The following GLIPR2 variants were observed in gnomAD, a reference collection of about 807,000 sequenced individuals.
The protein encoded by GLIPR2 is Golgi-associated plant pathogenesis-related protein 1.
Under a neutral mutation model 20.4 loss-of-function variants are expected in GLIPR2, and 21 were observed. The observed-to-expected ratio is 1.03, with a 90% CI of 0.73 to 1.48. The LOEUF is 1.48. GLIPR2 is among the 40% of genes most tolerant of loss of function. The pLI is 0.00. For missense variants in GLIPR2, 205 were observed against 200.1 expected (o/e 1.02, Z -0.15); for synonymous variants, 91 against 80.5 (o/e 1.13, Z -0.70).
chr9:36,149,400 C>G (rs1825483353), intron 3 of GLIPR2, among the ~76,000 whole-genome samples: 1 of 152,242 alleles, frequency 6.6e-6, no homozygotes, highest in Admixed American at 6.5e-5. Context: ...TAAGCCAGGG[C>G]TCCTGTGCAA....
chr9:36,147,005 C>T lies in GLIPR2; in HGVS notation c.14-781C>T, dbSNP rs1825357597. Among the ~76,000 whole-genome samples the T allele has an allele frequency of 4.6e-5, 7 of 152,252 alleles. No individual in the cohort carries two copies. The South Asian group carries it at 1.5e-3, about 32-fold the overall frequency. On this transcript the variant is annotated intron_variant, in intron 1 of 4. Transcript: ENST00000377960. ...CTGCAGTAGGTTTCTGTGTGGGTCCCCAGGTTGTCTGATTAGATGGCACCC... is the reference window on the plus strand; with the variant it reads ...CTGCAGTAGGTTTCTGTGTGGGTCCTCAGGTTGTCTGATTAGATGGCACCC...
At chr9:36,150,329 G>A (rs958939485) in intron 3 of GLIPR2, among the ~76,000 whole-genome samples, 2 of 152,152 alleles carry the variant, frequency 1.3e-5, no homozygotes, top group Non-Finnish European at 2.9e-5. Context: ...CAGCTCCCAG[G>A]GAAACGCCTG....
rs10972761 is a variant in GLIPR2, at chr9:36,157,882, G to A, written c.305-4480G>A. Among the ~76,000 whole-genome samples the A allele has an allele frequency of 1.1e-4, 17 of 151,398 alleles. No homozygotes were observed. The East Asian group carries it at 2.3e-3, about 21-fold the overall frequency. On this transcript the variant is annotated intron_variant, in intron 4 of 4. Transcript: ENST00000377960. ...GGCTGGAGTGCAATGGCACAGTCTC[G>A]GCTCATTGCAACCTCTGCCTCCCAG...
chr9:36,139,579 C>G (rs1824982533), intron 1 of GLIPR2, among the ~76,000 whole-genome samples: 1 of 152,196 alleles, frequency 6.6e-6, no homozygotes, highest in African/African-American at 2.4e-5. Context: ...GCAGGTGGCA[C>G]TCACAGGGGC....
chr9:36,162,519 G>T lies in GLIPR2; in HGVS notation c.462G>T (p.Lys154Asn), dbSNP rs1826101456. 6.2e-7 allele frequency: 1 copy of T among 1,614,182 alleles called. No individual in the cohort carries two copies. Among genetic ancestry groups the T allele is most frequent in the African/African-American group, 1.3e-5 (1 of 75,078 alleles). ...FFEENVLPPK[K>N] ...AAGAAAACGTCCTGCCGCCGAAGAA[G>T]TAACTTGTTAAATGTAATGGGAAGG... The change falls in exon 5 of 5, where the codon AAG becomes AAT. Residue 154 changes from lysine to asparagine, a missense_variant. By Grantham distance (94) the Lys-to-Asn change is moderately conservative. Transcript: ENST00000377960.
intron 4 of GLIPR2, among the ~76,000 whole-genome samples, chr9:36,161,591 C>G (rs1826055294): frequency 6.6e-6 from 1 of 151,480 alleles, no homozygotes; most frequent in Admixed American, 6.6e-5. Flanking sequence ...GAAGAGGAGG[C>G]AGTGAGACAG....
intron 1 of GLIPR2, among the ~76,000 whole-genome samples, chr9:36,139,813 G>A (rs995590528): frequency 1.3e-5 from 2 of 152,136 alleles, no homozygotes; most frequent in Non-Finnish European, 2.9e-5. Context: ...CCCAGATCCT[G>A]CTCCCAGCTG....
chr9:36,136,989 C>T lies in GLIPR2; in HGVS notation c.13+198C>T. On this transcript the variant is annotated intron_variant, in intron 1 of 4. Transcript: ENST00000377960. This position sits in a 1 kb window ranked among gnomAD's most constrained non-coding sequence, Gnocchi z 4.3. ...AGGCGAGCCCGAGGGAGGCCCCCGC[C>T]GGAGAGCCGGGGATCGCGCCAAGTT... 1 of 540,200 alleles carries T rather than the reference C, an allele frequency of 1.9e-6. No homozygotes were observed. Among genetic ancestry groups the T allele is most frequent in the East Asian group, 3.6e-5 (1 of 27,990 alleles). 33.5% of individuals were successfully genotyped at this position (540,200 alleles called of 1,614,324 possible).
chr9:36,158,404 A>T (rs989419769), intron 4 of GLIPR2, among the ~76,000 whole-genome samples: 6 of 152,096 alleles, frequency 3.9e-5, no homozygotes, highest in African/African-American at 1.4e-4. Context: ...CATCCTGCTG[A>T]GTGTGAAGTG....
At chr9:36,141,750 C>T (rs1825094417) in intron 1 of GLIPR2, 1 of 444,232 alleles carries the variant, frequency 2.3e-6, no homozygotes. Context: ...ATCTCCTGGG[C>T]TCAAGCGATC....
intron 4 of GLIPR2, among the ~76,000 whole-genome samples, chr9:36,156,609 T>C (rs1212785019): frequency 6.6e-6 from 1 of 152,170 alleles, no homozygotes; most frequent in Non-Finnish European, 1.5e-5. Flanking sequence ...AGTGGACCTG[T>C]ATGGGCCCAT....
In GLIPR2 at chr9:36,147,870, A is replaced by G. The variant is rs1372092241; in HGVS notation, c.98A>G (p.Lys33Arg). 2.5e-6 allele frequency: 4 copies of G among 1,576,910 alleles called. No homozygotes were observed. The highest frequency in any genetic ancestry group is 3.3e-4 in the Middle Eastern group (2 of 6,022). ...GGCGTCCCCCCACTGAAGCTCTGCA[A>G]GAACCTCAACCGGGAGGCTCAACAG... ...KHGVPPLKLC[K>R]NLNREAQQYS... is the part of the protein sequence containing the mutation. The change falls in exon 2 of 5, where the codon AAG (lysine) becomes AGG (arginine). Residue 33 changes from lysine to arginine, a missense_variant. Lys to Arg is a conservative substitution (Grantham distance 26). Transcript: ENST00000377960.
chr9:36,148,497 G>A, intron 2 of GLIPR2, 50 bp from the exon 3 acceptor site: 1 of 1,374,248 alleles, frequency 7.3e-7, no homozygotes. Context: ...ACATACTTTG[G>A]GGGTTCCCTG....
chr9:36,150,741 T>A, intron 3 of GLIPR2, 131 bp from the exon 4 acceptor site: 1 of 662,296 alleles, frequency 1.5e-6, no homozygotes, highest in South Asian at 1.8e-5. Context: ...CCAGGATGTG[T>A]CAGCTGACTG....
chr9:36,162,569 G>A lies in GLIPR2; in HGVS notation c.*47G>A, dbSNP rs1215928658. On this transcript the variant is annotated 3_prime_UTR_variant, in exon 5 of 5. Coordinates refer to ENST00000377960, the MANE Select transcript of GLIPR2 (RefSeq NM_022343.4). ...GTGGCAGACTTAAGAACGTGGATAT[G>A]AAGTGCCTAGAACCACCACAACCTG... 26 of 1,586,118 alleles carry A rather than the reference G, an allele frequency of 1.6e-5. No individual in the cohort carries two copies. The Admixed American group carries it at 4.4e-4, about 27-fold the overall frequency.
chr9:36,160,725 A>ACT (rs966215372), intron 4 of GLIPR2, among the ~76,000 whole-genome samples: 2 of 152,156 alleles, frequency 1.3e-5, no homozygotes, highest in African/African-American at 4.8e-5. Flanking sequence ...GTAAATAGAT[A>ACT]TGATTTATAT....
At chr9:36,158,350 A>G (rs1825925188) in intron 4 of GLIPR2, among the ~76,000 whole-genome samples, 1 of 152,088 alleles carries the variant, frequency 6.6e-6, no homozygotes, top group African/African-American at 2.4e-5. Context: ...CCTTGCCAAA[A>G]CTTGTTATGT....
chr9:36,162,459 C>A lies in GLIPR2; in HGVS notation c.402C>A (p.Phe134Leu). ...DGSSFVVARY[F>L]PAGNVVNEGF... Reference sequence around the variant, plus strand: ...CCTCCTTTGTGGTGGCCAGATACTTCCCAGCGGGGAATGTTGTCAATGAGG... The same window carrying A: ...CCTCCTTTGTGGTGGCCAGATACTTACCAGCGGGGAATGTTGTCAATGAGG... The change falls in exon 5 of 5, where the codon TTC becomes TTA. Residue 134 changes from phenylalanine to leucine, a missense_variant. Coordinates refer to ENST00000377960, the MANE Select transcript of GLIPR2 (RefSeq NM_022343.4). 10 of 1,614,168 alleles carry A rather than the reference C, an allele frequency of 6.2e-6. No homozygotes were observed. Among genetic ancestry groups the A allele is most frequent in the Non-Finnish European group, 7.6e-6 (9 of 1,180,036 alleles).
rs147631347 is a variant in GLIPR2, at chr9:36,149,663, G to T, written c.226+1013G>T. ...CAGTTTCCCATCTCTACAGAGAGGG[G>T]GTTGGGTAGGTGGTCTCTGAGACAG... is the stretch of plus-strand genomic sequence containing the variant. On this transcript the variant is annotated intron_variant, in intron 3 of 4. Transcript: ENST00000377960. 4.9e-3 allele frequency among the ~76,000 whole-genome samples: 744 copies of T among 152,316 alleles called. 10 individuals are homozygous for T. Among genetic ancestry groups the T allele is most frequent in the Admixed American group, 8.6e-3 (131 of 15,308 alleles).
Sources: allele counts gnomAD v4.1 joint callset (sites outside exome capture counted in the v4.1 genomes callset), GRCh38; gene constraint gnomAD v4.1.1; non-coding constraint Gnocchi (gnomAD v3.1); transcripts MANE v1.5; gene names NCBI Gene and HGNC (gene_info 2026-07-23, HGNC 2026-07-21).